The following SETBP1 variants were observed in gnomAD, a reference collection of about 807,000 sequenced individuals.
SETBP1 encodes the protein SET binding protein 1.
In SETBP1, 9 loss-of-function variants were observed where a neutral mutation model predicts 101.0. That is an observed-to-expected ratio of 0.09 (90% CI 0.05 to 0.16). The LOEUF (loss-of-function observed/expected upper bound fraction) is 0.16, where lower values mean the gene tolerates loss of function less well. SETBP1 is among the 10% of genes least tolerant of loss of function. SETBP1 has a pLI of 1.00. For missense variants in SETBP1, 1,858 were observed against 2,033.8 expected, an observed-to-expected ratio of 0.91 and a Z score of 1.66; for synonymous variants, 818 against 788.5, an observed-to-expected ratio of 1.04 and a Z score of -0.63.
At chr18:44,802,690 G>T (rs184296375) in intron 2 of SETBP1, among the ~76,000 whole-genome samples, 103 of 152,194 alleles carry the variant, frequency 6.8e-4, no homozygotes, top group African/African-American at 2.4e-3. Flanking sequence ...CCTATGTGTG[G>T]TTTGTCTCAC....
At chr18:44,851,586 C>T (rs939763451) in intron 2 of SETBP1, among the ~76,000 whole-genome samples, 12 of 152,204 alleles carry the variant, frequency 7.9e-5, no homozygotes, top group African/African-American at 2.7e-4. Flanking sequence ...CTTCCTTTGT[C>T]CCTTTCTCTC....
chr18:45,061,884 C>T (rs1214341605), intron 5 of SETBP1, among the ~76,000 whole-genome samples: 1 of 152,228 alleles, frequency 6.6e-6, no homozygotes, highest in African/African-American at 2.4e-5. Flanking sequence ...ACATGGGCTC[C>T]TTTCGGGTTG....
chr18:44,791,200 G>A (rs1266034712), intron 2 of SETBP1, among the ~76,000 whole-genome samples: 6 of 152,114 alleles, frequency 3.9e-5, no homozygotes, highest in South Asian at 2.1e-4. Context: ...CAGTTGGATC[G>A]GAGGCGCTCT....
chr18:45,025,894 A>G (rs143792995), intron 4 of SETBP1, among the ~76,000 whole-genome samples: 18 of 152,332 alleles, frequency 1.2e-4, no homozygotes, highest in African/African-American at 3.6e-4. Flanking sequence ...CAAGCCAGTA[A>G]ATGTGCATTT....
intron 4 of SETBP1, among the ~76,000 whole-genome samples, chr18:44,991,425 T>C (rs1281418388): frequency 6.6e-6 from 1 of 151,992 alleles, no homozygotes; most frequent in Non-Finnish European, 1.5e-5. Context: ...TATGGAAATA[T>C]ATGACTGAAA....
chr18:44,810,731 G>C (rs2071843899), intron 2 of SETBP1, among the ~76,000 whole-genome samples: 1 of 152,150 alleles, frequency 6.6e-6, no homozygotes, highest in African/African-American at 2.4e-5. Flanking sequence ...GTAGATCACT[G>C]GGTTGAGGGA....
In SETBP1 at chr18:44,950,307, A is replaced by G. The variant is rs1384761588; in HGVS notation, c.967A>G (p.Lys323Glu). 2 of 1,613,934 alleles carry G rather than the reference A, an allele frequency of 1.2e-6. No individual in the cohort carries two copies. The highest frequency in any genetic ancestry group is 2.2e-5 in the East Asian group (1 of 44,896). Reference sequence around the variant, plus strand: ...GGTGGATCAAGATGGAGGAGGTACAAAGGAGCCCCCAGAACCACCTACGGT... The same window carrying G: ...GGTGGATCAAGATGGAGGAGGTACAGAGGAGCCCCCAGAACCACCTACGGT... ...PLVDQDGGGT[K>E]EPPEPPTVGS... The change falls in exon 4 of 6, where the codon AAG becomes GAG. Residue 323 changes from lysine (K) to glutamate (E), a missense_variant. Transcript: ENST00000649279.
intron 2 of SETBP1, among the ~76,000 whole-genome samples, chr18:44,789,684 CT>C (rs2071328990): frequency 6.6e-6 from 1 of 152,196 alleles, no homozygotes; most frequent in Non-Finnish European, 1.5e-5. Context: ...ATTTTATTTT[CT>C]GATGATTTTT....
At chr18:45,038,396 C>A in intron 4 of SETBP1, 89 bp from the exon 5 acceptor site, 2 of 1,185,914 alleles carry the variant, frequency 1.7e-6, no homozygotes, top group Non-Finnish European at 2.5e-6. Context: ...AATCATTTGA[C>A]CATTTCCTCA....
At chr18:44,954,507 G>A (rs1332018502) in intron 4 of SETBP1, among the ~76,000 whole-genome samples, 2 of 152,042 alleles carry the variant, frequency 1.3e-5, no homozygotes, top group African/African-American at 2.4e-5. Flanking sequence ...TTCCCAGGGA[G>A]CCCATATTTC....
At chr18:44,697,950 T>A (rs1214323634) in intron 1 of SETBP1, among the ~76,000 whole-genome samples, 2 of 152,182 alleles carry the variant, frequency 1.3e-5, no homozygotes, top group African/African-American at 4.8e-5. Context: ...AGGAAGTGGA[T>A]ATAAGAACAG....
At position 45,067,244 on chromosome 18, in the gene SETBP1, A is replaced by C. The variant is rs1364868905; in HGVS notation, c.*3546A>C. Reference sequence around the variant, plus strand: ...AATATGATAAGCAAGTGGTGACAGAATTATAGTATAAGGTGATGTACTACA... The same window carrying C: ...AATATGATAAGCAAGTGGTGACAGACTTATAGTATAAGGTGATGTACTACA... On this transcript the variant is annotated 3_prime_UTR_variant, in exon 6 of 6. Transcript: ENST00000649279. The C allele has an allele frequency of 6.6e-6, 1 of 152,242 alleles. No homozygotes were observed. Among genetic ancestry groups the C allele is most frequent in the Non-Finnish European group, 1.5e-5 (1 of 68,050 alleles). The allele number at this position is 152,242 out of a possible 1,614,324, so 9.4% of individuals were successfully genotyped here. A position where few individuals can be genotyped will look rare whatever the true frequency, so the allele number is the denominator to read the frequency against.
chr18:44,946,709 C>T (rs1047053225), intron 3 of SETBP1, among the ~76,000 whole-genome samples: 2 of 152,132 alleles, frequency 1.3e-5, no homozygotes, highest in Admixed American at 6.6e-5. Context: ...AAGCACTTAT[C>T]GAGAGCTTTC....
intron 3 of SETBP1, among the ~76,000 whole-genome samples, chr18:44,943,603 T>C (rs1384735559): frequency 6.6e-6 from 1 of 152,348 alleles, no homozygotes; most frequent in East Asian, 1.9e-4. Flanking sequence ...CTCAGGTATG[T>C]TGATCTTTAC....
At chr18:44,874,367 T>C (rs992451528) in intron 3 of SETBP1, among the ~76,000 whole-genome samples, 1 of 152,110 alleles carries the variant, frequency 6.6e-6, no homozygotes. Context: ...CTGAAGACAA[T>C]GGGAGGCATT....
intron 5 of SETBP1, 135 bp from the exon 6 acceptor site, chr18:45,062,944 G>A (rs975175736): frequency 3.6e-6 from 4 of 1,111,230 alleles, no homozygotes; most frequent in Non-Finnish European, 5.1e-6. Flanking sequence ...ATGCATCTTG[G>A]GCACGGAGAC....
At chr18:44,714,312 C>T (rs1213879423) in intron 2 of SETBP1, among the ~76,000 whole-genome samples, 1 of 152,112 alleles carries the variant, frequency 6.6e-6, no homozygotes, top group Non-Finnish European at 1.5e-5. Context: ...GATTCTCCTG[C>T]CTCAGCCTCC....
chr18:44,727,946 A>G (rs1025682762), intron 2 of SETBP1, among the ~76,000 whole-genome samples: 1 of 152,194 alleles, frequency 6.6e-6, no homozygotes, highest in Non-Finnish European at 1.5e-5. Flanking sequence ...AATTGTATCC[A>G]ATAAAAAAAA....
At chr18:45,060,318 C>T (rs1434176279) in intron 5 of SETBP1, among the ~76,000 whole-genome samples, 2 of 152,176 alleles carry the variant, frequency 1.3e-5, no homozygotes, top group African/African-American at 2.4e-5. Context: ...ATTGCCCAAT[C>T]ACTCTCCAAA....
Sources: gnomAD v4.1 joint callset for allele counts (sites outside exome capture counted in the v4.1 genomes callset) on GRCh38, gnomAD v4.1.1 for gene constraint, MANE v1.5 for transcripts, NCBI Gene and HGNC (gene_info 2026-07-23, HGNC 2026-07-21) for gene names.